Variants in OTOA observed in about 807,000 individuals in gnomAD.
OTOA encodes otoancorin, also known as cancer/testis antigen 108.
OTOA carries 70 observed loss-of-function variants against 110.8 expected under a neutral mutation model. The ratio of observed to expected loss-of-function variants is 0.63; its 90% CI spans 0.52 to 0.77. OTOA has a LOEUF of 0.77. OTOA is among the 30% of genes least tolerant of loss of function. OTOA has a pLI of 0.00. For missense variants in OTOA, 917 were observed against 1,075.8 expected (o/e 0.85, Z 2.06); for synonymous variants, 373 against 431.5 (o/e 0.86, Z 1.68).
chr16:21,703,938 C>T (rs1355744892), intron 11 of OTOA, among the ~76,000 whole-genome samples: 3 of 152,122 alleles, frequency 2.0e-5, no homozygotes, highest in Non-Finnish European at 2.9e-5. Flanking sequence ...AAGAAAACCT[C>T]CCATTTATTA....
chr16:21,673,136 AG>A (rs1471743740), intron 1 of OTOA, among the ~76,000 whole-genome samples: 8 of 152,200 alleles, frequency 5.3e-5, no homozygotes, highest in Admixed American at 3.3e-4. Context: ...TGACAGAGAA[AG>A]ACTCTGTCTC....
At chr16:21,731,868 C>G (rs1471821115) in intron 21 of OTOA, among the ~76,000 whole-genome samples, 1 of 152,226 alleles carries the variant, frequency 6.6e-6, no homozygotes, top group Non-Finnish European at 1.5e-5. Context: ...TAGGATCACA[C>G]GCAGCACATT....
rs459243 is a variant in OTOA, at chr16:21,752,305, T to G, written c.2919-64T>G. The G allele has an allele frequency of 3.8e-4, 284 of 740,052 alleles. 12 individuals carry two copies. In the East Asian group the frequency reaches 4.2e-3, roughly 11 times the overall value. The allele number at this position is 740,052 out of a possible 1,614,324, so 45.8% of individuals were successfully genotyped here. On this transcript the variant is annotated intron_variant, in intron 25 of 28. Transcript: ENST00000646100. ...TATGTGTGTGTGTGTGTGTGTGTGT[T>G]TGTTTGTTTTTGGCTGAAGAGTCCA...
intron 1 of OTOA, among the ~76,000 whole-genome samples, chr16:21,665,594 T>C (rs1414183040): frequency 2.0e-5 from 3 of 152,060 alleles, no homozygotes; most frequent in South Asian, 4.1e-4. Flanking sequence ...AAAGAGTAAA[T>C]GGCAGGGAGG....
intron 9 of OTOA, among the ~76,000 whole-genome samples, chr16:21,695,074 G>A (rs1170518559): frequency 6.6e-6 from 1 of 152,118 alleles, no homozygotes; most frequent in Non-Finnish European, 1.5e-5. Context: ...GGCCCTTGAG[G>A]GAACTGGAAA....
intron 9 of OTOA, among the ~76,000 whole-genome samples, chr16:21,693,739 C>A (rs931912362): frequency 1.3e-5 from 2 of 152,050 alleles, no homozygotes; most frequent in African/African-American, 2.4e-5. Context: ...CCATGTCCAG[C>A]TGATTTTTGT....
intron 14 of OTOA, among the ~76,000 whole-genome samples, chr16:21,716,623 C>T (rs1172110694): frequency 2.6e-5 from 4 of 152,018 alleles, no homozygotes; most frequent in Admixed American, 6.6e-5. Flanking sequence ...AACACCAATA[C>T]CTTGCAGATA....
At chr16:21,718,989 G>A in intron 15 of OTOA, 144 bp from the exon 16 acceptor site, 1 of 804,080 alleles carries the variant, frequency 1.2e-6, no homozygotes, top group South Asian at 1.4e-5. Flanking sequence ...CAATGGTCTA[G>A]TCCTAGGTAA....
intron 9 of OTOA, among the ~76,000 whole-genome samples, chr16:21,694,326 C>T (rs1597816215): frequency 6.6e-6 from 1 of 152,010 alleles, no homozygotes; most frequent in Non-Finnish European, 1.5e-5. Context: ...CCTGTAGTCC[C>T]AGCTACCCTG....
intron 17 of OTOA, among the ~76,000 whole-genome samples, chr16:21,720,174 T>G (rs1321465632): frequency 1.3e-5 from 2 of 152,126 alleles, no homozygotes; most frequent in Non-Finnish European, 2.9e-5. Flanking sequence ...CAGGCTGGTC[T>G]CAAATTCCTG....
At chr16:21,743,466 T>C (rs1225970003) in intron 23 of OTOA, among the ~76,000 whole-genome samples, 1 of 152,302 alleles carries the variant, frequency 6.6e-6, no homozygotes, top group Non-Finnish European at 1.5e-5. Flanking sequence ...GTTGGGTACT[T>C]GTCTCATTTA....
chr16:21,679,775 C>T (rs1395611504), intron 5 of OTOA, among the ~76,000 whole-genome samples: 1 of 152,152 alleles, frequency 6.6e-6, no homozygotes, highest in Non-Finnish European at 1.5e-5. Flanking sequence ...TAGAAACAAT[C>T]TAATCCTCAC....
At chr16:21,727,477 T>TTGAAGATGACTA (rs1898958524) in intron 19 of OTOA, among the ~76,000 whole-genome samples, 1 of 152,166 alleles carries the variant, frequency 6.6e-6, no homozygotes. Context: ...TACAGTTACT[T>TTGAAGATGACTA]TGAAGATGAC....
At chr16:21,702,790 C>A (rs560684919) in intron 11 of OTOA, among the ~76,000 whole-genome samples, 2 of 152,152 alleles carry the variant, frequency 1.3e-5, no homozygotes, top group Non-Finnish European at 2.9e-5. Context: ...ATTCTCCTGC[C>A]TCAGCCTCCC....
chr16:21,664,391 G>C (rs929116035), intron 1 of OTOA, among the ~76,000 whole-genome samples, 159 bp downstream of exon 1: 1 of 152,106 alleles, frequency 6.6e-6, no homozygotes, highest in Non-Finnish European at 1.5e-5. Flanking sequence ...TGTGGGTGCA[G>C]CGGCTTTAAG....
At chr16:21,688,533 C>A (rs1363486116) in intron 8 of OTOA, among the ~76,000 whole-genome samples, 2 of 152,092 alleles carry the variant, frequency 1.3e-5, no homozygotes, top group Non-Finnish European at 2.9e-5. Flanking sequence ...AACAAAAATA[C>A]CATAGACTGT....
chr16:21,708,125 A>G (rs1353819164), intron 12 of OTOA, among the ~76,000 whole-genome samples: 1 of 152,124 alleles, frequency 6.6e-6, no homozygotes, highest in Non-Finnish European at 1.5e-5. Context: ...ATTGTAATAT[A>G]TAATGAAATA....
At chr16:21,710,202 G>A (rs370598045) in intron 13 of OTOA, 99 bp downstream of exon 13, 52 of 1,202,666 alleles carry the variant, frequency 4.3e-5, no homozygotes, top group African/African-American at 1.1e-4. Context: ...ATTGAGTGAC[G>A]TAAACAACAT....
At chr16:21,750,066 G>A (rs1899780957) in intron 24 of OTOA, among the ~76,000 whole-genome samples, 1 of 152,292 alleles carries the variant, frequency 6.6e-6, no homozygotes, top group African/African-American at 2.4e-5. Flanking sequence ...AAATGAATCA[G>A]CACATGTTTA....
Sources: allele counts gnomAD v4.1 joint callset (sites outside exome capture counted in the v4.1 genomes callset), GRCh38; gene constraint gnomAD v4.1.1; transcripts MANE v1.5; gene names NCBI Gene and HGNC (gene_info 2026-07-23, HGNC 2026-07-21).